The following CTNNA3 variants were observed in gnomAD, a reference collection of about 807,000 sequenced individuals.
CTNNA3 encodes the protein catenin alpha 3, also known as catenin alpha-3.
A neutral mutation model predicts 95.7 loss-of-function variants in CTNNA3; 76 were observed. The observed-to-expected ratio is 0.79, with a 90% CI of 0.66 to 0.96. The LOEUF (loss-of-function observed/expected upper bound fraction) is 0.96, where lower values mean the gene tolerates loss of function less well. CTNNA3 is among the 40% of genes least tolerant of loss of function. The pLI is 0.00. For missense variants in CTNNA3, 1,191 were observed against 1,089.8 expected (o/e 1.09, Z -1.31); for synonymous variants, 431 against 374.4 (o/e 1.15, Z -1.74).
chr10:66,925,876 A>C, intron 7 of CTNNA3: 1 of 351,610 alleles, frequency 2.8e-6, no homozygotes, highest in Non-Finnish European at 5.7e-6. Flanking sequence ...GATCACGGTG[A>C]CCATTCAGTT....
chr10:67,514,736 C>G (rs1248676256), intron 5 of CTNNA3, among the ~76,000 whole-genome samples: 33 of 127,658 alleles, frequency 2.6e-4, no homozygotes, highest in Admixed American at 2.0e-3. Flanking sequence ...TTTTTTTTTG[C>G]CATCTCTGGA....
chr10:67,026,791 T>C (rs1385410340), intron 7 of CTNNA3, among the ~76,000 whole-genome samples: 2 of 152,186 alleles, frequency 1.3e-5, no homozygotes, highest in South Asian at 2.1e-4. Flanking sequence ...GAGAGATTTA[T>C]GAAAAATGAA....
chr10:66,191,829 C>A (rs546408563), intron 13 of CTNNA3, among the ~76,000 whole-genome samples: 2 of 152,226 alleles, frequency 1.3e-5, no homozygotes, highest in East Asian at 3.9e-4. Flanking sequence ...GAAAATTAAT[C>A]CCCAATGCAA....
intron 1 of CTNNA3, among the ~76,000 whole-genome samples, chr10:67,663,073 T>C (rs1327295030): frequency 6.6e-6 from 1 of 152,202 alleles, no homozygotes. Context: ...TTCTTGTACA[T>C]CTGTCAATTT....
At chr10:66,586,150 T>C (rs1335757430) in intron 10 of CTNNA3, among the ~76,000 whole-genome samples, 2 of 151,894 alleles carry the variant, frequency 1.3e-5, no homozygotes. Context: ...ATGGCAGAGG[T>C]CTCATGAAGC....
chr10:67,603,625 A>G (rs181516964), intron 3 of CTNNA3, among the ~76,000 whole-genome samples: 1 of 152,070 alleles, frequency 6.6e-6, no homozygotes, highest in Non-Finnish European at 1.5e-5. Context: ...ATAATTAAAA[A>G]TGTAAAAAAG....
At chr10:65,954,155 CA>C (rs1483099915) in intron 17 of CTNNA3, among the ~76,000 whole-genome samples, 1 of 152,166 alleles carries the variant, frequency 6.6e-6, no homozygotes, top group Admixed American at 6.5e-5. Context: ...AATATTTTTT[CA>C]TGTGTCTGTT....
chr10:67,493,211 GAA>G (rs201258598), intron 5 of CTNNA3, among the ~76,000 whole-genome samples: 10 of 136,684 alleles, frequency 7.3e-5, no homozygotes, highest in Middle Eastern at 3.9e-3. Context: ...CAACGTGGGG[GAA>G]AAAAAAAAAA....
At chr10:67,015,965 TC>T (rs1286702836) in intron 7 of CTNNA3, among the ~76,000 whole-genome samples, 15 of 152,316 alleles carry the variant, frequency 9.8e-5, no homozygotes, top group African/African-American at 3.1e-4. Context: ...GTCATTTTTT[TC>T]ATTTCCATTT....
chr10:66,491,059 T>C (rs1030818619), intron 11 of CTNNA3, among the ~76,000 whole-genome samples: 4 of 152,156 alleles, frequency 2.6e-5, no homozygotes, highest in African/African-American at 9.7e-5. Flanking sequence ...CTCAAGTAAA[T>C]GGCTGAGGGT....
chr10:66,571,876 T>C (rs1182549357), intron 10 of CTNNA3, among the ~76,000 whole-genome samples: 3 of 152,176 alleles, frequency 2.0e-5, no homozygotes, highest in East Asian at 1.9e-4. Flanking sequence ...ACAATGCAGA[T>C]GATTAATTTG....
chr10:66,801,630 G>A (rs1005787356), intron 7 of CTNNA3, among the ~76,000 whole-genome samples: 17 of 151,466 alleles, frequency 1.1e-4, no homozygotes, highest in Admixed American at 9.2e-4. Flanking sequence ...AGATCCCTAT[G>A]CCCTATGCAT....
At chr10:67,127,032 C>G (rs74233481) in intron 7 of CTNNA3, among the ~76,000 whole-genome samples, 1 of 152,164 alleles carries the variant, frequency 6.6e-6, no homozygotes. Context: ...TATTTTCTGC[C>G]TGACAACTCA....
intron 5 of CTNNA3, among the ~76,000 whole-genome samples, chr10:67,385,895 C>A (rs1177050161): frequency 6.6e-6 from 1 of 150,652 alleles, no homozygotes; most frequent in Non-Finnish European, 1.5e-5. Context: ...CACAGTCATG[C>A]AAGTGGAAGC....
At chr10:67,042,446 A>C (rs568169105) in intron 7 of CTNNA3, among the ~76,000 whole-genome samples, 1 of 152,304 alleles carries the variant, frequency 6.6e-6, no homozygotes, top group South Asian at 2.1e-4. Flanking sequence ...TGAGTTTTCC[A>C]TGTCTTCTAA....
At chr10:67,750,623 AGGGATAC>A (rs1374299695) in intron 1 of CTNNA3, 2 of 1,547,852 alleles carry the variant, frequency 1.3e-6, no homozygotes, top group East Asian at 4.5e-5. Context: ...TCACTAGCAC[AGGGATAC>A]AAGTCTGGGG....
chr10:67,589,814 A>G (rs1025018223), intron 3 of CTNNA3, among the ~76,000 whole-genome samples: 2 of 152,118 alleles, frequency 1.3e-5, no homozygotes, highest in African/African-American at 4.8e-5. Flanking sequence ...TTTCAAGTAA[A>G]TTTCAACCAA....
intron 16 of CTNNA3, among the ~76,000 whole-genome samples, chr10:65,979,824 G>C (rs980993748): frequency 4.6e-5 from 7 of 151,936 alleles, no homozygotes; most frequent in Non-Finnish European, 1.0e-4. Flanking sequence ...GACGCAAATA[G>C]ATCAAATATT....
intron 9 of CTNNA3, among the ~76,000 whole-genome samples, chr10:66,725,460 C>A: frequency 6.6e-6 from 1 of 151,976 alleles, no homozygotes; most frequent in Non-Finnish European, 1.5e-5. Flanking sequence ...AGGTTAAGAC[C>A]AGGTATCTGA....
Sources: allele counts gnomAD v4.1 joint callset (sites outside exome capture counted in the v4.1 genomes callset), GRCh38; gene constraint gnomAD v4.1.1; transcripts MANE v1.5; gene names NCBI Gene and HGNC (gene_info 2026-07-23, HGNC 2026-07-21).